The following SBF2 variants were observed in gnomAD, a reference collection of about 807,000 sequenced individuals.
SBF2 encodes the protein myotubularin-related protein 13.
In SBF2, 112 loss-of-function variants were observed where a neutral mutation model predicts 225.2. The observed-to-expected ratio is 0.50, with a 90% confidence interval of 0.43 to 0.58. The LOEUF (loss-of-function observed/expected upper bound fraction) is 0.58. Ranked by LOEUF, SBF2 falls within the 20% of genes least tolerant of loss-of-function variation. SBF2 has a pLI of 0.00. For missense variants in SBF2, 1,996 were observed against 2,206.2 expected (o/e 0.90, Z 1.91); for synonymous variants, 763 against 773.3 (o/e 0.99, Z 0.22).
At chr11:9,913,991 C>T (rs956280154) in intron 16 of SBF2, among the ~76,000 whole-genome samples, 4 of 152,172 alleles carry the variant, frequency 2.6e-5, no homozygotes, top group African/African-American at 9.6e-5. Flanking sequence ...CATTATGAGC[C>T]ACCACACCAG....
chr11:10,261,043 A>G (rs1281652395), intron 1 of SBF2, among the ~76,000 whole-genome samples: 1 of 152,190 alleles, frequency 6.6e-6, no homozygotes, highest in Non-Finnish European at 1.5e-5. Context: ...ACCAAAGAGC[A>G]GAAGAAAAAA....
chr11:10,018,373 G>GAA (rs1355196695), intron 6 of SBF2, among the ~76,000 whole-genome samples: 1 of 149,984 alleles, frequency 6.7e-6, no homozygotes, highest in African/African-American at 2.4e-5. Flanking sequence ...CAGAGCACAG[G>GAA]AAAAAAAAAG....
chr11:9,796,001 C>T lies in SBF2; in HGVS notation c.4444-44G>A, dbSNP rs752294674. On this transcript the variant is annotated intron_variant, in intron 32 of 39. Transcript: ENST00000256190. Reference sequence around the variant, plus strand: ...AGAAAAGAGTAAGAATCAAACAGAACAAAAAGTGGATGCCAGGCCACTGAA... The same window carrying T: ...AGAAAAGAGTAAGAATCAAACAGAATAAAAAGTGGATGCCAGGCCACTGAA... 4.2e-5 allele frequency: 68 copies of T among 1,604,464 alleles called. No homozygotes were observed. The East Asian group carries it at 1.4e-3, about 32-fold the overall frequency.
At chr11:9,912,565 A>G (rs2134192118) in intron 16 of SBF2, among the ~76,000 whole-genome samples, 1 of 152,200 alleles carries the variant, frequency 6.6e-6, no homozygotes, top group Non-Finnish European at 1.5e-5. Flanking sequence ...CTGGGCAAAC[A>G]TAGCAAGACT....
chr11:9,888,193 C>T (rs1360299478), intron 17 of SBF2, among the ~76,000 whole-genome samples: 1 of 152,018 alleles, frequency 6.6e-6, no homozygotes, highest in Non-Finnish European at 1.5e-5. Context: ...AAACTATGTT[C>T]CCTATTAGAA....
chr11:9,954,109 T>C (rs757707980), intron 16 of SBF2, among the ~76,000 whole-genome samples: 1 of 152,214 alleles, frequency 6.6e-6, no homozygotes, highest in Non-Finnish European at 1.5e-5. Flanking sequence ...ATAACCTCTA[T>C]GAAACAGTGC....
intron 3 of SBF2, among the ~76,000 whole-genome samples, chr11:10,036,321 T>C (rs1270129498): frequency 2.0e-5 from 3 of 152,012 alleles, no homozygotes; most frequent in African/African-American, 7.2e-5. Context: ...AGATGACAGG[T>C]TGATGGGTGC....
At chr11:10,191,194 C>T (rs1231064872) in intron 2 of SBF2, among the ~76,000 whole-genome samples, 1 of 152,124 alleles carries the variant, frequency 6.6e-6, no homozygotes, top group Non-Finnish European at 1.5e-5. Flanking sequence ...GTCACGACTA[C>T]ACTGGAAACA....
chr11:10,129,605 T>C (rs1279848677), intron 2 of SBF2, among the ~76,000 whole-genome samples: 2 of 152,238 alleles, frequency 1.3e-5, no homozygotes, highest in African/African-American at 4.8e-5. Flanking sequence ...ATAGGGTTTG[T>C]ACACAGACAT....
At chr11:10,086,344 T>C (rs572441798) in intron 2 of SBF2, among the ~76,000 whole-genome samples, 58 of 152,240 alleles carry the variant, frequency 3.8e-4, no homozygotes, top group Non-Finnish European at 7.4e-4. Context: ...GATTTTCAAA[T>C]ATACCTGACA....
chr11:10,023,534 C>T (rs1948936576), intron 6 of SBF2, among the ~76,000 whole-genome samples: 1 of 152,178 alleles, frequency 6.6e-6, no homozygotes, highest in Non-Finnish European at 1.5e-5. Context: ...TTTCTCACGG[C>T]CCTATCCCTC....
chr11:9,786,371 T>C (rs1590080332), intron 36 of SBF2, among the ~76,000 whole-genome samples: 1 of 152,186 alleles, frequency 6.6e-6, no homozygotes, highest in Admixed American at 6.5e-5. Flanking sequence ...TTCAAAAAAA[T>C]GAACATTATT....
upstream of SBF2, among the ~76,000 whole-genome samples, chr11:10,296,706 T>C (rs1002345688): frequency 6.6e-6 from 1 of 152,206 alleles, no homozygotes; most frequent in African/African-American, 2.4e-5. Context: ...CATGTACATG[T>C]ATTTGAGTAC....
At position 9,997,234 on chromosome 11, in the gene SBF2, G is replaced by C. The variant is rs562711861; in HGVS notation, c.975+1032C>G. Reference sequence around the variant, plus strand: ...AATATTCTTAAAGTAGACTATTAAGGCCTTAGTTCTAGTGATATCTTGAAA... The same window carrying C: ...AATATTCTTAAAGTAGACTATTAAGCCCTTAGTTCTAGTGATATCTTGAAA... On this transcript the variant is annotated intron_variant, in intron 9 of 39. Coordinates refer to ENST00000256190, the MANE Select transcript of SBF2 (RefSeq NM_030962.4). 2.6e-5 allele frequency among the ~76,000 whole-genome samples: 4 copies of C among 152,282 alleles called. No individual in the cohort carries two copies. The East Asian group carries it at 7.7e-4, about 29-fold the overall frequency.
At chr11:9,965,326 A>G (rs1419065134) in intron 14 of SBF2, among the ~76,000 whole-genome samples, 1 of 139,710 alleles carries the variant, frequency 7.2e-6, no homozygotes, top group Non-Finnish European at 1.5e-5. Context: ...TTTGAGACAG[A>G]GTTTCACTCT....
In SBF2 at chr11:10,172,512, C is replaced by T. The variant is rs150695784; in HGVS notation, c.141+21390G>A. 8.1e-3 allele frequency among the ~76,000 whole-genome samples: 1,226 copies of T among 151,306 alleles called. 6 individuals carry two copies. The highest frequency in any genetic ancestry group is 0.021 in the South Asian group (101 of 4,770). On this transcript the variant is annotated intron_variant, in intron 2 of 39. Coordinates refer to ENST00000256190, the MANE Select transcript of SBF2 (RefSeq NM_030962.4). ...GATTACAGGCACCTGCCACCGCGCC[C>T]GGCTAATTTTTTTATTTTTTAGTAG... is the stretch of plus-strand genomic sequence containing the variant.
intron 16 of SBF2, among the ~76,000 whole-genome samples, chr11:9,955,419 C>T (rs1195450851): frequency 6.6e-6 from 1 of 152,000 alleles, no homozygotes; most frequent in Non-Finnish European, 1.5e-5. Context: ...CATATCAGTA[C>T]ATATATAGAT....
chr11:9,911,383 C>CAAA (rs57796243), intron 16 of SBF2, among the ~76,000 whole-genome samples: 1 of 108,184 alleles, frequency 9.2e-6, no homozygotes, highest in Non-Finnish European at 1.8e-5. Context: ...GACTCTGTCT[C>CAAA]AAAAAAAAAA....
chr11:9,958,201 C>T (rs1272306999), intron 16 of SBF2: 1 of 152,102 alleles, frequency 6.6e-6, no homozygotes, highest in East Asian at 1.9e-4. Flanking sequence ...CCACCCAGCT[C>T]CCCACTAATG....
Sources: gnomAD v4.1 joint callset for allele counts (sites outside exome capture counted in the v4.1 genomes callset) on GRCh38, gnomAD v4.1.1 for gene constraint, MANE v1.5 for transcripts, NCBI Gene and HGNC (gene_info 2026-07-23, HGNC 2026-07-21) for gene names.